ZFAND3: variants seen among roughly 807,000 people sequenced by gnomAD.
ZFAND3 encodes the protein AN1-type zinc finger protein 3.
In ZFAND3, 10 loss-of-function variants were observed where a neutral mutation model predicts 29.6. That is an observed-to-expected ratio of 0.34 (90% CI 0.21 to 0.57). The LOEUF is 0.57. Among genes scored for constraint, ZFAND3 ranks in the 20% least tolerant of loss-of-function variants. The probability of loss-of-function intolerance (pLI) is 0.86; values close to 1 mark genes in which losing one functional copy is unlikely to be tolerated. For synonymous variants in ZFAND3, 128 were observed against 112.6 expected, an observed-to-expected ratio of 1.14 and a Z score of -0.87; for missense variants, 230 against 304.5, an observed-to-expected ratio of 0.76 and a Z score of 1.82.
At chr6:37,845,216 A>G (rs954936662) in intron 1 of ZFAND3, among the ~76,000 whole-genome samples, 1 of 152,080 alleles carries the variant, frequency 6.6e-6, no homozygotes, top group Admixed American at 6.6e-5. Context: ...TTAATCTTCT[A>G]CTGATGGTGT....
At chr6:37,952,548 G>A (rs551686802) in intron 2 of ZFAND3, among the ~76,000 whole-genome samples, 6 of 152,008 alleles carry the variant, frequency 3.9e-5, no homozygotes, top group South Asian at 4.2e-4. Context: ...GAGGTCAGTC[G>A]TAATATCCTC....
chr6:37,919,457 T>C (rs1761331774), intron 1 of ZFAND3, among the ~76,000 whole-genome samples: 1 of 152,230 alleles, frequency 6.6e-6, no homozygotes, highest in African/African-American at 2.4e-5. Flanking sequence ...TATTATTTAA[T>C]ATTTACCAAG....
intron 1 of ZFAND3, among the ~76,000 whole-genome samples, chr6:37,823,152 C>T (rs1581687785): frequency 6.6e-6 from 1 of 152,242 alleles, no homozygotes; most frequent in East Asian, 1.9e-4. Flanking sequence ...ATACGTGTTT[C>T]CGTGGAACGT....
rs1174016990 is a variant in ZFAND3, at chr6:38,031,843, C to A, written c.113-29750C>A. Among the ~76,000 whole-genome samples the A allele has an allele frequency of 4.0e-5, 6 of 150,826 alleles. No homozygotes were observed. The South Asian group carries it at 6.4e-4, about 16-fold the overall frequency. On this transcript the variant is annotated intron_variant, in intron 2 of 5. Transcript: ENST00000287218. Reference sequence around the variant, plus strand: ...TTCATATTCTGCCCCTCCCCCCCCGCCCCACGCTGTCCCAGGGTCTTGCTG... The same window carrying A: ...TTCATATTCTGCCCCTCCCCCCCCGACCCACGCTGTCCCAGGGTCTTGCTG...
intron 2 of ZFAND3, among the ~76,000 whole-genome samples, chr6:37,982,114 T>C (rs1762590856): frequency 6.6e-6 from 1 of 152,076 alleles, no homozygotes; most frequent in Non-Finnish European, 1.5e-5. Flanking sequence ...GTTTGTCTCA[T>C]GTGAGCAGAG....
chr6:38,094,832 A>G (rs1764944942), intron 4 of ZFAND3, among the ~76,000 whole-genome samples: 1 of 152,180 alleles, frequency 6.6e-6, no homozygotes, highest in African/African-American at 2.4e-5. Context: ...GGGGTCCAGA[A>G]GCGTTTCAGG....
chr6:37,914,437 C>G (rs532645112), intron 1 of ZFAND3, among the ~76,000 whole-genome samples: 2 of 152,114 alleles, frequency 1.3e-5, no homozygotes, highest in Non-Finnish European at 2.9e-5. Flanking sequence ...CTCCTGTGTT[C>G]AAGCGATTTT....
chr6:37,890,903 G>T (rs765762726), intron 1 of ZFAND3, among the ~76,000 whole-genome samples: 1 of 152,192 alleles, frequency 6.6e-6, no homozygotes, highest in African/African-American at 2.4e-5. Flanking sequence ...TAGCCAAATG[G>T]CAGAGCAGGC....
At chr6:38,096,644 TTTTTG>T (rs535339559) in intron 4 of ZFAND3, among the ~76,000 whole-genome samples, 10 of 152,290 alleles carry the variant, frequency 6.6e-5, no homozygotes, top group Admixed American at 2.6e-4. Context: ...TGTGGGGGTT[TTTTTG>T]TTTTGTTTTG....
Position 38,153,339 on chromosome 6 carries a change from G to A in ZFAND3, c.*950G>A, listed in dbSNP as rs138822403. 21 of 985,476 alleles carry A rather than the reference G, an allele frequency of 2.1e-5. No homozygotes were observed. In the African/African-American group the frequency reaches 3.0e-4, roughly 14 times the overall value. The allele number at this position is 985,476 out of a possible 1,614,324, so 61.0% of individuals were successfully genotyped here. A position where few individuals can be genotyped will look rare whatever the true frequency, so the allele number is the denominator to read the frequency against. On this transcript the variant is annotated 3_prime_UTR_variant, in exon 6 of 6. Transcript: ENST00000287218. ...GGGAGCAGCAGCTGGGGAAGCTGCC[G>A]CCCACGGGCTCTGCCCCTTCCAGCT...
intron 2 of ZFAND3, among the ~76,000 whole-genome samples, chr6:38,039,335 T>C (rs949744370): frequency 6.6e-6 from 1 of 152,196 alleles, no homozygotes; most frequent in Non-Finnish European, 1.5e-5. Flanking sequence ...AACTTGAAGA[T>C]TAAAATTGTT....
At chr6:38,051,414 CATTTAAAGCCTT>C (rs1460976274) in intron 2 of ZFAND3, among the ~76,000 whole-genome samples, 2 of 152,098 alleles carry the variant, frequency 1.3e-5, no homozygotes, top group Non-Finnish European at 2.9e-5. Context: ...CTTTATGGGA[CATTTAAAGCCTT>C]AGGTCTGGGG....
At chr6:37,985,527 A>ACACACACACC (rs753070737) in intron 2 of ZFAND3, among the ~76,000 whole-genome samples, 3,374 of 141,626 alleles carry the variant, frequency 0.024, 62 homozygotes, top group Non-Finnish European at 0.038. Context: ...ACACACACAC[A>ACACACACACC]CCCCCACACA....
chr6:37,951,539 G>A (rs1015938241), intron 2 of ZFAND3, among the ~76,000 whole-genome samples: 1 of 152,152 alleles, frequency 6.6e-6, no homozygotes, highest in Non-Finnish European at 1.5e-5. Context: ...AGGTTGCAGT[G>A]AGCCGAGATT....
intron 2 of ZFAND3, among the ~76,000 whole-genome samples, chr6:38,044,770 G>A (rs1406049041): frequency 6.6e-6 from 1 of 152,168 alleles, no homozygotes; most frequent in Non-Finnish European, 1.5e-5. Flanking sequence ...TTTTGGGGCT[G>A]TTTGTGCGGA....
intron 4 of ZFAND3, among the ~76,000 whole-genome samples, chr6:38,101,317 T>G (rs937887961): frequency 1.3e-5 from 2 of 152,200 alleles, no homozygotes; most frequent in Non-Finnish European, 2.9e-5. Flanking sequence ...CACTTAGTAG[T>G]GCCTACATCA....
At chr6:38,075,683 A>G (rs1341757874) in intron 3 of ZFAND3, among the ~76,000 whole-genome samples, 1 of 152,240 alleles carries the variant, frequency 6.6e-6, no homozygotes, top group Non-Finnish European at 1.5e-5. Context: ...TGTGGGTAAA[A>G]TGCTGTCAAA....
chr6:37,943,092 G>A (rs1761839954), intron 2 of ZFAND3, among the ~76,000 whole-genome samples: 1 of 151,690 alleles, frequency 6.6e-6, no homozygotes, highest in Non-Finnish European at 1.5e-5. Flanking sequence ...GTATCATGTT[G>A]AAAAAAAAGG....
chr6:38,126,307 C>A (rs148193053), intron 5 of ZFAND3, among the ~76,000 whole-genome samples: 226 of 152,218 alleles, frequency 1.5e-3, no homozygotes, highest in African/African-American at 5.1e-3. Context: ...ATTTGCCAGT[C>A]GACATACACT....
Sources: gnomAD v4.1 joint callset for allele counts (sites outside exome capture counted in the v4.1 genomes callset) on GRCh38, gnomAD v4.1.1 for gene constraint, MANE v1.5 for transcripts, NCBI Gene and HGNC (gene_info 2026-07-23, HGNC 2026-07-21) for gene names.